SLC22A2: variants seen among roughly 807,000 people sequenced by gnomAD.
The protein encoded by SLC22A2 is solute carrier family 22 member 2, also known as organic cation transporter 2.
A neutral mutation model predicts 60.5 loss-of-function variants in SLC22A2; 46 were observed. That is an observed-to-expected ratio of 0.76 (90% CI 0.60 to 0.97). SLC22A2 has a LOEUF of 0.97. Among genes scored for constraint, SLC22A2 ranks in the 50% least tolerant of loss-of-function variants. The pLI is 0.00. For synonymous variants in SLC22A2, 303 were observed against 267.0 expected (o/e 1.13, Z -1.31); for missense variants, 701 against 706.6 (o/e 0.99, Z 0.09).
chr6:160,241,984 T>A (rs1430800498), intron 8 of SLC22A2, among the ~76,000 whole-genome samples: 1 of 152,168 alleles, frequency 6.6e-6, no homozygotes, highest in Non-Finnish European at 1.5e-5. Flanking sequence ...TTCTTTTTAC[T>A]TCCATCACCT....
rs202062657 is a variant in SLC22A2, at chr6:160,258,378, A to T, written c.380T>A (p.Val127Glu). The stretch of plus-strand genomic sequence containing the variant: ...GATGGACGAGCCAGGCGTCTCGTAC[A>T]CCCAGCCGTCCCGGCAGGGGCCCAG... Reference protein sequence around the residue: ...LPLGPCRDGWVYETPGSSIVT... With the variant: ...LPLGPCRDGWEYETPGSSIVT... The change falls in exon 1 of 11, where the codon GTG becomes GAG. Residue 127 changes from valine to glutamate, a missense_variant. Transcript: ENST00000366953. 1 of 1,613,310 alleles carries T rather than the reference A, an allele frequency of 6.2e-7. No individual in the cohort carries two copies. The highest frequency in any genetic ancestry group is 1.3e-5 in the African/African-American group (1 of 75,014).
At chr6:160,255,159 C>A (rs189125118) in intron 2 of SLC22A2, among the ~76,000 whole-genome samples, 2 of 152,298 alleles carry the variant, frequency 1.3e-5, no homozygotes, top group East Asian at 3.9e-4. Flanking sequence ...AAATAAAAAC[C>A]TTCCCTTTCA....
intron 9 of SLC22A2, among the ~76,000 whole-genome samples, chr6:160,227,631 T>G (rs763056258): frequency 3.9e-5 from 6 of 152,250 alleles, no homozygotes; most frequent in Non-Finnish European, 5.9e-5. Context: ...ACTCTTTAAA[T>G]ATTTTACAGA....
intron 5 of SLC22A2, 23 bp from the exon 6 acceptor site, chr6:160,245,568 C>A: frequency 1.3e-6 from 2 of 1,488,640 alleles, no homozygotes; most frequent in Non-Finnish European, 1.9e-6. Context: ...ATAGAAAGGA[C>A]GGCTTTGTAT....
At chr6:160,219,948 T>C (rs1486930858) in intron 10 of SLC22A2, among the ~76,000 whole-genome samples, 1 of 152,238 alleles carries the variant, frequency 6.6e-6, no homozygotes, top group South Asian at 2.1e-4. Flanking sequence ...CTTGCCTCTA[T>C]GTTGATGGCT....
chr6:160,221,578 C>A (rs1445090608), intron 10 of SLC22A2, among the ~76,000 whole-genome samples: 1 of 152,208 alleles, frequency 6.6e-6, no homozygotes, highest in African/African-American at 2.4e-5. Context: ...TTAATCATTT[C>A]TGCCTTTTGC....
intron 9 of SLC22A2, among the ~76,000 whole-genome samples, chr6:160,234,531 T>A (rs776095879): frequency 2.0e-5 from 3 of 152,152 alleles, no homozygotes; most frequent in Non-Finnish European, 4.4e-5. Flanking sequence ...CTTTCTCTCC[T>A]TTCTCTTTTC....
intron 3 of SLC22A2, among the ~76,000 whole-genome samples, chr6:160,250,068 G>A (rs368498439): frequency 9.2e-5 from 14 of 152,260 alleles, no homozygotes; most frequent in East Asian, 3.9e-4. Flanking sequence ...TATATTCCTC[G>A]TCCTAAAAAT....
At chr6:160,237,390 G>A (rs3907238) in intron 9 of SLC22A2, among the ~76,000 whole-genome samples, 178 of 152,228 alleles carry the variant, frequency 1.2e-3, no homozygotes, top group Non-Finnish European at 2.3e-3. Context: ...AATACACAAA[G>A]GGTTGTGCAG....
chr6:160,256,134 AC>A (rs2114873246), intron 2 of SLC22A2, among the ~76,000 whole-genome samples: 1 of 152,024 alleles, frequency 6.6e-6, no homozygotes, highest in Non-Finnish European at 1.5e-5. Flanking sequence ...GGCCCCAGGA[AC>A]CCAATTCAGG....
chr6:160,245,546 C>G lies in SLC22A2; in HGVS notation c.958-1G>C, dbSNP rs996556698. The G allele has an allele frequency of 6.2e-7, 1 of 1,600,572 alleles. No individual in the cohort carries two copies. Among genetic ancestry groups the G allele is most frequent in the East Asian group, 2.2e-5 (1 of 44,776 alleles). ...CAGTTTCCTCTTCAAGTCTCAGGCG[C>G]TAAGAAAAGGAATAGAAAGGACGGC... On this transcript the variant is annotated splice_acceptor_variant, in intron 5 of 10. Transcript: ENST00000366953. LOFTEE classifies it high-confidence loss of function.
chr6:160,218,931 A>AAT (rs1782591933), intron 10 of SLC22A2, among the ~76,000 whole-genome samples: 1 of 1,088 alleles, frequency 9.2e-4, no homozygotes, highest in Non-Finnish European at 1.9e-3. Flanking sequence ...GCAGCAACAG[A>AAT]AGTAGCAGTA....
chr6:160,249,936 C>T (rs1242777247), intron 3 of SLC22A2, among the ~76,000 whole-genome samples: 1 of 152,148 alleles, frequency 6.6e-6, no homozygotes, highest in Non-Finnish European at 1.5e-5. Context: ...TGGTTCAACC[C>T]GTTGGTATCA....
chr6:160,221,521 C>A (rs982101371), intron 10 of SLC22A2, among the ~76,000 whole-genome samples: 2 of 152,214 alleles, frequency 1.3e-5, no homozygotes, highest in East Asian at 3.8e-4. Context: ...TACAAGAGTC[C>A]TCACTTTCAG....
chr6:160,240,918 T>C lies in SLC22A2; in HGVS notation c.1501+556A>G, dbSNP rs112753729. ...GAAGTGCTATGTGACGCTCCTGAAA[T>C]CTAATTGCTCCAGGTGCATCAACAC... On this transcript the variant is annotated intron_variant, in intron 9 of 10. Coordinates refer to ENST00000366953, the MANE Select transcript of SLC22A2 (RefSeq NM_003058.4). 1.6e-3 allele frequency among the ~76,000 whole-genome samples: 238 copies of C among 152,324 alleles called. 1 individual carries two copies. The highest frequency in any genetic ancestry group is 5.4e-3 in the African/African-American group (224 of 41,570).
At chr6:160,250,799 G>A in intron 2 of SLC22A2, 97 bp from the exon 3 acceptor site, 1 of 1,261,064 alleles carries the variant, frequency 7.9e-7, no homozygotes, top group Non-Finnish European at 1.1e-6. Context: ...AACAAAGTTA[G>A]AGGTTAACTT....
chr6:160,241,770 A>C (rs184128196), intron 8 of SLC22A2, among the ~76,000 whole-genome samples, 184 bp from the exon 9 acceptor site: 1 of 151,642 alleles, frequency 6.6e-6, no homozygotes, highest in African/African-American at 2.4e-5. Context: ...TCATACAACC[A>C]TATACCACCT....
chr6:160,223,725 T>C (rs1457885850), intron 10 of SLC22A2, among the ~76,000 whole-genome samples: 2 of 152,172 alleles, frequency 1.3e-5, no homozygotes, highest in African/African-American at 2.4e-5. Flanking sequence ...AATTTTTATT[T>C]AATTTATTTT....
In SLC22A2 at chr6:160,221,897, A is replaced by G. The variant is rs564648502; in HGVS notation, c.1601+2808T>C. Among the ~76,000 whole-genome samples, 16 of 152,360 alleles carry G rather than the reference A, an allele frequency of 1.1e-4. No homozygotes were observed. In the East Asian group the frequency reaches 2.9e-3, roughly 28 times the overall value. On this transcript the variant is annotated intron_variant, in intron 10 of 10. Transcript: ENST00000366953. ...ATGGAAAAGTTTAAAATATTGTGAGAATTACCAAAACATGCCACAGTGACA... is the reference window on the plus strand; with the variant it reads ...ATGGAAAAGTTTAAAATATTGTGAGGATTACCAAAACATGCCACAGTGACA...
Sources: allele counts gnomAD v4.1 joint callset (sites outside exome capture counted in the v4.1 genomes callset), GRCh38; gene constraint gnomAD v4.1.1; transcripts MANE v1.5; gene names NCBI Gene and HGNC (gene_info 2026-07-23, HGNC 2026-07-21).